BAD: variants seen among roughly 807,000 people sequenced by gnomAD.
BAD encodes the protein BCL2 associated agonist of cell death.
A neutral mutation model predicts 17.8 loss-of-function variants in BAD; 18 were observed. That is an observed-to-expected ratio of 1.01 (90% CI 0.70 to 1.50). The LOEUF is 1.50. Among genes scored for constraint, BAD ranks in the 40% most tolerant of loss-of-function variants. BAD has a pLI of 0.00. For missense variants in BAD, 294 were observed against 239.3 expected, an observed-to-expected ratio of 1.23 and a Z score of -1.51; for synonymous variants, 112 against 91.5, an observed-to-expected ratio of 1.22 and a Z score of -1.28.
intron 2 of BAD, chr11:64,275,696 A>AC (rs1192312362): frequency 6.6e-6 from 1 of 152,066 alleles, no homozygotes; most frequent in African/African-American, 2.4e-5. Context: ...GTTCTCCTCC[A>AC]CTAGCTCTGA....
chr11:64,279,589 A>AC (rs1378182475), intron 2 of BAD, among the ~76,000 whole-genome samples: 1 of 151,072 alleles, frequency 6.6e-6, no homozygotes. Flanking sequence ...ACATGGTGAA[A>AC]CCCCCGTCTC....
chr11:64,277,789 T>C (rs1591159335), intron 2 of BAD, among the ~76,000 whole-genome samples: 1 of 152,280 alleles, frequency 6.6e-6, no homozygotes, highest in South Asian at 2.1e-4. Context: ...AAATGTTTTC[T>C]ATAAAGGGGG....
chr11:64,271,718 G>T lies in BAD; in HGVS notation c.273C>A (p.Ser91Arg). 2.1e-6 allele frequency: 3 copies of T among 1,461,122 alleles called. No homozygotes were observed. Among genetic ancestry groups the T allele is most frequent in the African/African-American group, 1.5e-5 (1 of 68,714 alleles). The allele number at this position is 1,461,122 out of a possible 1,614,324, so 90.5% of individuals were successfully genotyped here. A position where few individuals can be genotyped will look rare whatever the true frequency, so the allele number is the denominator to read the frequency against. ...EDDEGMGEEP[S>R]PFRGRSRSAP... The stretch of plus-strand genomic sequence containing the variant: ...CCGAGCGCGAGCGGCCCCGAAAGGG[G>T]CTGGGCTCCTCCCCCATCCCTTCGT... Residue 91 changes from serine to arginine, a missense_variant, in exon 3 of 4, where the codon AGC becomes AGA. By Grantham distance (110) the Ser-to-Arg change is moderately radical. Transcript: ENST00000309032.
intron 3 of BAD, among the ~76,000 whole-genome samples, chr11:64,271,038 G>T (rs1288484608): frequency 9.1e-5 from 2 of 21,894 alleles, no homozygotes; most frequent in African/African-American, 3.2e-4. Flanking sequence ...CTAGACTACA[G>T]ATCCCAGCAT....
chr11:64,271,744 C>G lies in BAD; in HGVS notation c.247G>C (p.Asp83His), dbSNP rs1226391283. Residue 83 changes from aspartate (D) to histidine (H), a missense_variant, in exon 3 of 4, where the codon GAC becomes CAC. Asp to His is a moderately conservative substitution (Grantham distance 81). Coordinates refer to ENST00000309032, the MANE Select transcript of BAD (RefSeq NM_032989.3). Reference sequence around the variant, plus strand: ...CTGGGCTCCTCCCCCATCCCTTCGTCGTCCTCCGTCCCCGCGGGGTAGGAG... The same window carrying G: ...CTGGGCTCCTCCCCCATCCCTTCGTGGTCCTCCGTCCCCGCGGGGTAGGAG... ...HSSYPAGTED[D>H]EGMGEEPSPF... The G allele has an allele frequency of 6.9e-7, 1 of 1,447,234 alleles. No homozygotes were observed. Among genetic ancestry groups the G allele is most frequent in the South Asian group, 1.5e-5 (1 of 68,350 alleles). 89.6% of individuals were successfully genotyped at this position (1,447,234 alleles called of 1,614,324 possible). A position where few individuals can be genotyped will look rare whatever the true frequency, so the allele number is the denominator to read the frequency against.
Position 64,284,226 on chromosome 11 carries a change from G to T in BAD, c.143C>A (p.Ala48Asp). ...HRQAPGLLWD[A>D]SHQQEQPTSS... ...GGTTGGCTGCTCCTGCTGGTGACTGGCGTCCCACAGGAGGCCTGGGGCCTG... is the reference window on the plus strand; with the variant it reads ...GGTTGGCTGCTCCTGCTGGTGACTGTCGTCCCACAGGAGGCCTGGGGCCTG... The change falls in exon 2 of 4, where the codon GCC becomes GAC. Residue 48 changes from alanine (A) to aspartate (D), a missense_variant. Coordinates refer to ENST00000309032, the MANE Select transcript of BAD (RefSeq NM_032989.3). 3 of 1,605,950 alleles carry T rather than the reference G, an allele frequency of 1.9e-6. No homozygotes were observed. In the African/African-American group the frequency reaches 4.0e-5, roughly 21 times the overall value.
At chr11:64,279,684 A>G (rs1189409324) in intron 2 of BAD, among the ~76,000 whole-genome samples, 1 of 149,852 alleles carries the variant, frequency 6.7e-6, no homozygotes, top group African/African-American at 2.4e-5. Flanking sequence ...AATGGCATGA[A>G]CCCAGGAGGT....
chr11:64,273,975 A>T (rs2032845386), intron 2 of BAD, among the ~76,000 whole-genome samples: 1 of 151,940 alleles, frequency 6.6e-6, no homozygotes, highest in African/African-American at 2.4e-5. Flanking sequence ...CAGGAACTGA[A>T]GGCGGGGGAT....
At position 64,272,277 on chromosome 11, in the gene BAD, C is replaced by G. The variant is rs1258326695; in HGVS notation, c.188-474G>C. Among the ~76,000 whole-genome samples the G allele has an allele frequency of 1.3e-5, 2 of 151,950 alleles. 1 individual carries two copies. The highest frequency in any genetic ancestry group is 3.9e-4 in the East Asian group (2 of 5,182). On this transcript the variant is annotated intron_variant, in intron 2 of 3. Transcript: ENST00000309032. Reference sequence around the variant, plus strand: ...GAGGTCGCAGTGAGCCGAGATCACGCCACTGCACTCCAGCCTGGGCGACAG... The same window carrying G: ...GAGGTCGCAGTGAGCCGAGATCACGGCACTGCACTCCAGCCTGGGCGACAG...
intron 2 of BAD, chr11:64,277,146 A>C (rs2135118715): frequency 3.3e-6 from 2 of 607,638 alleles, no homozygotes; most frequent in South Asian, 3.8e-5. Context: ...CGTTTGGAGC[A>C]GTGAAGCTCT....
At chr11:64,270,932 C>T (rs534660640) in intron 3 of BAD, among the ~76,000 whole-genome samples, 15 of 92,654 alleles carry the variant, frequency 1.6e-4, no homozygotes, top group Non-Finnish European at 1.5e-4. Flanking sequence ...CACACACACA[C>T]GCCTGGAGTG....
intron 2 of BAD, among the ~76,000 whole-genome samples, chr11:64,272,276 G>A (rs2032689854): frequency 6.6e-6 from 1 of 151,310 alleles, no homozygotes; most frequent in Non-Finnish European, 1.5e-5. Context: ...CCGAGATCAC[G>A]CCACTGCACT....
intron 3 of BAD, among the ~76,000 whole-genome samples, chr11:64,271,296 TCACACACA>T (rs1176064923): frequency 0.012 from 28 of 2,266 alleles, 2 homozygotes; most frequent in African/African-American, 0.029. Context: ...CCTGTGACTC[TCACACACA>T]CACACACACA....
At chr11:64,281,955 G>A (rs1198428873) in intron 2 of BAD, among the ~76,000 whole-genome samples, 2 of 152,140 alleles carry the variant, frequency 1.3e-5, no homozygotes, top group African/African-American at 4.8e-5. Flanking sequence ...TCTTCACCTT[G>A]TGATACGCCC....
chr11:64,272,625 G>A (rs1358978679), intron 2 of BAD: 4 of 152,200 alleles, frequency 2.6e-5, no homozygotes, highest in East Asian at 1.9e-4. Context: ...CGTGTAGGCC[G>A]AGACATTCCC....
At chr11:64,276,451 T>G (rs2033073411) in intron 2 of BAD, 1 of 153,990 alleles carries the variant, frequency 6.5e-6, no homozygotes, top group South Asian at 1.9e-4. Flanking sequence ...CTCAGCCTCC[T>G]GGGTAGCTGG....
chr11:64,271,861 G>A, intron 2 of BAD, 58 bp from the exon 3 acceptor site: 1 of 1,295,074 alleles, frequency 7.7e-7, no homozygotes, highest in Non-Finnish European at 9.9e-7. Context: ...TAAGCCCCTG[G>A]CCCTGCCTGA....
intron 2 of BAD, among the ~76,000 whole-genome samples, chr11:64,281,703 C>T (rs879673973): frequency 2.6e-5 from 4 of 152,210 alleles, no homozygotes; most frequent in Non-Finnish European, 4.4e-5. Context: ...TCACTCCCCC[C>T]GCCCCTGTGA....
In BAD at chr11:64,273,855, C is replaced by CAAAA. The variant is rs34577596; in HGVS notation, c.188-2056_188-2053dup. 9.9e-3 allele frequency among the ~76,000 whole-genome samples: 534 copies of CAAAA among 53,908 alleles called. 23 individuals carry two copies. Among genetic ancestry groups the CAAAA allele is most frequent in the East Asian group, 0.033 (49 of 1,490 alleles). 35.4% of individuals were successfully genotyped at this position (53,908 alleles called of 152,430 possible). ...CAAGATCACGCCACTGCACCCATCT[C>CAAAA]AAAAAAAAAAAAAAAAAAAAAAAAA... On this transcript the variant is annotated intron_variant, in intron 2 of 3. Transcript: ENST00000309032.
Sources: allele counts gnomAD v4.1 joint callset (sites outside exome capture counted in the v4.1 genomes callset), GRCh38; gene constraint gnomAD v4.1.1; transcripts MANE v1.5; gene names NCBI Gene and HGNC (gene_info 2026-07-23, HGNC 2026-07-21).